Variants in CEP128 observed in about 807,000 individuals in gnomAD.
CEP128 encodes the protein centrosomal protein 128.
Under a neutral mutation model 156.7 loss-of-function variants are expected in CEP128, and 132 were observed. That is an observed-to-expected ratio of 0.84 (90% CI 0.73 to 0.97). CEP128 has a LOEUF of 0.97. CEP128 is among the 50% of genes least tolerant of loss of function. The pLI is 0.00. For synonymous variants in CEP128, 469 were observed against 448.9 expected, an observed-to-expected ratio of 1.04 and a Z score of -0.57; for missense variants, 1,252 against 1,281.9, an observed-to-expected ratio of 0.98 and a Z score of 0.36.
chr14:80,558,424 G>A (rs187748935), intron 21 of CEP128, among the ~76,000 whole-genome samples: 176 of 152,204 alleles, frequency 1.2e-3, no homozygotes, highest in African/African-American at 4.2e-3. Context: ...GAGTAGCTGA[G>A]ATTACAGGCT....
chr14:80,666,333 T>A (rs919081798), intron 19 of CEP128, among the ~76,000 whole-genome samples: 1 of 152,230 alleles, frequency 6.6e-6, no homozygotes, highest in Non-Finnish European at 1.5e-5. Context: ...CTTGTGCGAA[T>A]TGGAGTTCTA....
chr14:80,732,147 G>A (rs1331045753), intron 19 of CEP128, among the ~76,000 whole-genome samples: 1 of 151,966 alleles, frequency 6.6e-6, no homozygotes, highest in Non-Finnish European at 1.5e-5. Flanking sequence ...GATGCAATGA[G>A]GAAACAAGAG....
chr14:80,822,696 GA>G, intron 13 of CEP128: 4 of 836,168 alleles, frequency 4.8e-6, no homozygotes, highest in South Asian at 1.3e-5. Flanking sequence ...GGGAAAAAGG[GA>G]AAAGCTGATG....
At chr14:80,819,123 G>A (rs1284066241) in intron 13 of CEP128, among the ~76,000 whole-genome samples, 2 of 151,794 alleles carry the variant, frequency 1.3e-5, no homozygotes, top group Non-Finnish European at 2.9e-5. Flanking sequence ...TCAAAGATCT[G>A]AATACTATCT....
chr14:80,661,309 G>A (rs1012630346), intron 19 of CEP128, among the ~76,000 whole-genome samples: 1 of 152,122 alleles, frequency 6.6e-6, no homozygotes, highest in Non-Finnish European at 1.5e-5. Flanking sequence ...CTACTGGTTT[G>A]TTGTACTATT....
At chr14:80,549,148 A>G (rs903126849) in intron 21 of CEP128, among the ~76,000 whole-genome samples, 1 of 152,200 alleles carries the variant, frequency 6.6e-6, no homozygotes, top group Non-Finnish European at 1.5e-5. Flanking sequence ...GAGAATGTCT[A>G]GATTGTTTCA....
chr14:80,931,709 G>A lies in CEP128; in HGVS notation c.-16+7676C>T, dbSNP rs139294312. On this transcript the variant is annotated intron_variant, in intron 2 of 24. Coordinates refer to ENST00000555265, the MANE Select transcript of CEP128 (RefSeq NM_152446.5). ...TCAACCTGTCACTTCACGGGAAAAC[G>A]ACAACTGTGTTCAAGTCAGCAGATA... 3.1e-3 allele frequency among the ~76,000 whole-genome samples: 479 copies of A among 152,322 alleles called. 4 individuals carry two copies. Among genetic ancestry groups the A allele is most frequent in the Non-Finnish European group, 4.0e-3 (275 of 68,030 alleles).
chr14:80,710,115 AC>A (rs1897350292), intron 19 of CEP128, among the ~76,000 whole-genome samples: 1 of 152,182 alleles, frequency 6.6e-6, no homozygotes, highest in South Asian at 2.1e-4. Flanking sequence ...TTTGCAAAAT[AC>A]TGCTATTTGT....
intron 20 of CEP128, among the ~76,000 whole-genome samples, chr14:80,566,869 G>A (rs1445624418): frequency 6.7e-6 from 1 of 149,550 alleles, no homozygotes; most frequent in Non-Finnish European, 1.5e-5. Flanking sequence ...AAAAAACAGC[G>A]AGGCTTAAAG....
At chr14:80,941,379 T>C (rs1485083235) in intron 1 of CEP128, among the ~76,000 whole-genome samples, 6 of 152,102 alleles carry the variant, frequency 3.9e-5, no homozygotes, top group Non-Finnish European at 5.9e-5. Context: ...CGGACACCCC[T>C]GCCGAGGGAG....
chr14:80,840,637 C>T (rs773262121), intron 10 of CEP128, 45 bp downstream of exon 10: 4 of 1,255,144 alleles, frequency 3.2e-6, no homozygotes, highest in Non-Finnish European at 4.7e-6. Flanking sequence ...ATACCATTGG[C>T]CCCAAACCAC....
In CEP128 at chr14:80,761,515, T is replaced by C; in HGVS notation, c.2475A>G (p.Glu825=). ...CCTTTCCTATCACACCAAGAATGGA[T>C]TCCTGTTCAGTCTCCAAGCAAAGAA... ...DQLLCLETEQ[E]SILGVIGKEI... is the part of the protein sequence containing the mutation. The change falls in exon 17 of 25, where the codon GAA becomes GAG. Residue 825 remains glutamate, a synonymous_variant. Transcript: ENST00000555265. 1.9e-6 allele frequency: 3 copies of C among 1,612,920 alleles called. No individual in the cohort carries two copies. Among genetic ancestry groups the C allele is most frequent in the Non-Finnish European group, 2.5e-6 (3 of 1,179,146 alleles).
chr14:80,565,290 A>G (rs1304116577), intron 20 of CEP128, among the ~76,000 whole-genome samples: 3 of 152,120 alleles, frequency 2.0e-5, no homozygotes, highest in African/African-American at 7.2e-5. Flanking sequence ...AGAAGACGTT[A>G]AGATAACCTA....
chr14:80,713,234 T>A (rs1897477365), intron 19 of CEP128, among the ~76,000 whole-genome samples: 1 of 152,130 alleles, frequency 6.6e-6, no homozygotes, highest in Non-Finnish European at 1.5e-5. Context: ...TATAAAAGAC[T>A]CTTTATAATC....
intron 21 of CEP128, among the ~76,000 whole-genome samples, chr14:80,555,120 C>G (rs977143983): frequency 6.6e-6 from 1 of 152,032 alleles, no homozygotes; most frequent in Non-Finnish European, 1.5e-5. Flanking sequence ...AGAATGACTC[C>G]TCTTACTCTC....
At chr14:80,827,799 C>A (rs1885560051) in intron 13 of CEP128, among the ~76,000 whole-genome samples, 1 of 152,176 alleles carries the variant, frequency 6.6e-6, no homozygotes, top group African/African-American at 2.4e-5. Context: ...ATAATGTTTT[C>A]ATATCTGTAT....
intron 13 of CEP128, among the ~76,000 whole-genome samples, chr14:80,818,791 T>C (rs551276475): frequency 3.8e-4 from 58 of 152,338 alleles, no homozygotes; most frequent in African/African-American, 1.4e-3. Context: ...ATAATAAACA[T>C]GTGAAACTAC....
chr14:80,490,489 A>C (rs1887288075), exon 7 of CEP128: 2 of 152,306 alleles, frequency 1.3e-5, no homozygotes, highest in African/African-American at 4.8e-5. Flanking sequence ...GACATTTGCA[A>C]CTTTTATAAT....
chr14:80,729,127 G>GTGTGTGTGTGTGT (rs1222842349), intron 19 of CEP128, among the ~76,000 whole-genome samples: 2 of 115,116 alleles, frequency 1.7e-5, no homozygotes, highest in African/African-American at 5.9e-5. Context: ...GTGTGTGTGT[G>GTGTGTGTGTGTGT]TTTACCCAGT....
Sources: allele counts gnomAD v4.1 joint callset (sites outside exome capture counted in the v4.1 genomes callset), GRCh38; gene constraint gnomAD v4.1.1; transcripts MANE v1.5; gene names NCBI Gene and HGNC (gene_info 2026-07-23, HGNC 2026-07-21).